KAT7: variants seen among roughly 807,000 people sequenced by gnomAD.
The protein encoded by KAT7 is histone acetyltransferase KAT7.
Under a neutral mutation model 82.1 loss-of-function variants are expected in KAT7, and 10 were observed. That is an observed-to-expected ratio of 0.12 (90% CI 0.08 to 0.21). KAT7 has a LOEUF of 0.21. Ranked by LOEUF, KAT7 falls within the 10% of genes least tolerant of loss-of-function variation. KAT7 has a pLI of 1.00. For synonymous variants in KAT7, 250 were observed against 262.5 expected, an observed-to-expected ratio of 0.95 and a Z score of 0.46; for missense variants, 378 against 760.9, an observed-to-expected ratio of 0.50 and a Z score of 5.92.
chr17:49,811,074 C>T (rs1196638663), intron 6 of KAT7, among the ~76,000 whole-genome samples: 3 of 150,406 alleles, frequency 2.0e-5, no homozygotes, highest in African/African-American at 4.9e-5. Context: ...GCATTTTTTT[C>T]TCTTTAAAAT....
chr17:49,803,660 G>A (rs1042860386), intron 4 of KAT7, among the ~76,000 whole-genome samples: 26 of 151,724 alleles, frequency 1.7e-4, no homozygotes, highest in African/African-American at 6.1e-4. Flanking sequence ...TCCTGACCTC[G>A]TGATCCGCCT....
chr17:49,818,432 G>A (rs1325318028), intron 9 of KAT7, among the ~76,000 whole-genome samples: 3 of 152,192 alleles, frequency 2.0e-5, no homozygotes, highest in African/African-American at 7.2e-5. Context: ...TGATGCCCAA[G>A]AAGTATATGT....
chr17:49,809,615 C>G (rs985329378), intron 6 of KAT7, among the ~76,000 whole-genome samples: 2 of 152,162 alleles, frequency 1.3e-5, no homozygotes, highest in African/African-American at 4.8e-5. Flanking sequence ...TATTTGTCTT[C>G]TACTTATCTC....
rs547133058 is a variant in KAT7 at position 49,833,527 on chromosome 17, T to C, written c.*6025T>C. Reference sequence around the variant, plus strand: ...TTGTGACTTGTTTTGACTAATAGGATATGGAAGTGATATTTTGGCAGCTTC... The same window carrying C: ...TTGTGACTTGTTTTGACTAATAGGACATGGAAGTGATATTTTGGCAGCTTC... On this transcript the variant is annotated 3_prime_UTR_variant, in exon 15 of 15. Coordinates refer to ENST00000259021, the MANE Select transcript of KAT7 (RefSeq NM_007067.5). 6.6e-6 allele frequency: 1 copy of C among 152,352 alleles called. No individual in the cohort carries two copies. Among genetic ancestry groups the C allele is most frequent in the Admixed American group, 6.5e-5 (1 of 15,302 alleles). 9.4% of individuals were successfully genotyped at this position (152,352 alleles called of 1,614,324 possible).
intron 1 of KAT7, 49 bp from the exon 2 acceptor site, chr17:49,791,837 T>C: frequency 6.3e-7 from 1 of 1,584,322 alleles, no homozygotes; most frequent in South Asian, 1.1e-5. Flanking sequence ...TAATGCAAAC[T>C]CTCAGACCAA....
In KAT7 at chr17:49,827,658, A is replaced by G. The variant is rs539534598; in HGVS notation, c.*156A>G. The G allele has an allele frequency of 4.9e-6, 3 of 615,834 alleles. No individual in the cohort carries two copies. Among genetic ancestry groups the G allele is most frequent in the Non-Finnish European group, 8.7e-6 (3 of 343,888 alleles). 38.1% of individuals were successfully genotyped at this position (615,834 alleles called of 1,614,324 possible). On this transcript the variant is annotated 3_prime_UTR_variant, in exon 15 of 15. Transcript: ENST00000259021. ...ACTGTCCTGGCTCCGACCTTTGTGT[A>G]CACTGCAGACGCTGGTTCTGAGGAA...
At chr17:49,791,629 G>T (rs930222238) in intron 1 of KAT7, among the ~76,000 whole-genome samples, 1 of 152,356 alleles carries the variant, frequency 6.6e-6, no homozygotes, top group African/African-American at 2.4e-5. Context: ...TTGCACTCCA[G>T]CCTGGGCAAT....
chr17:49,829,554 A>G lies in KAT7; in HGVS notation c.*2052A>G, dbSNP rs2074405610. 1 of 152,212 alleles carries G rather than the reference A, an allele frequency of 6.6e-6. No homozygotes were observed. Among genetic ancestry groups the G allele is most frequent in the African/African-American group, 2.4e-5 (1 of 41,444 alleles). The allele number at this position is 152,212 out of a possible 1,614,324, so 9.4% of individuals were successfully genotyped here. A position where few individuals can be genotyped will look rare whatever the true frequency, so the allele number is the denominator to read the frequency against. On this transcript the variant is annotated 3_prime_UTR_variant, in exon 15 of 15. Coordinates refer to ENST00000259021, the MANE Select transcript of KAT7 (RefSeq NM_007067.5). ...AATTATTGACTCTCTCGCAGGTTGA[A>G]ATTATTCTTTTTGAAAATAGCTGCA... is the stretch of plus-strand genomic sequence containing the variant.
At chr17:49,797,760 G>A (rs948173454) in intron 3 of KAT7, among the ~76,000 whole-genome samples, 1 of 152,242 alleles carries the variant, frequency 6.6e-6, no homozygotes, top group Non-Finnish European at 1.5e-5. Flanking sequence ...ATAATTGGCT[G>A]GAGTTGAATA....
At chr17:49,823,462 A>G (rs2074330313) in intron 12 of KAT7, 167 bp downstream of exon 12, 1 of 578,424 alleles carries the variant, frequency 1.7e-6, no homozygotes, top group African/African-American at 1.9e-5. Flanking sequence ...CATTCTGCCT[A>G]ATACACATTG....
chr17:49,803,091 T>G (rs2074045110), intron 4 of KAT7, among the ~76,000 whole-genome samples: 4 of 151,774 alleles, frequency 2.6e-5, no homozygotes, highest in Admixed American at 2.6e-4. Flanking sequence ...TCAAGATAAT[T>G]TTGCGGACCT....
chr17:49,796,950 G>T, intron 3 of KAT7, 24 bp downstream of exon 3: 3 of 1,605,616 alleles, frequency 1.9e-6, no homozygotes, highest in Non-Finnish European at 2.6e-6. Flanking sequence ...GTATGACTTA[G>T]ACCTATTACA....
intron 4 of KAT7, among the ~76,000 whole-genome samples, chr17:49,800,054 C>T (rs924936168): frequency 2.0e-5 from 3 of 149,376 alleles, no homozygotes; most frequent in African/African-American, 7.4e-5. Context: ...CTCTGTCCCC[C>T]AGGCTGGAGT....
chr17:49,800,252 C>T (rs1286257184), intron 4 of KAT7, among the ~76,000 whole-genome samples: 1 of 152,054 alleles, frequency 6.6e-6, no homozygotes. Flanking sequence ...ACCTCGTGAT[C>T]CGCCCGCCTT....
intron 7 of KAT7, among the ~76,000 whole-genome samples, chr17:49,812,293 C>T (rs553602040): frequency 1.7e-4 from 24 of 139,264 alleles, no homozygotes; most frequent in Admixed American, 1.2e-3. Flanking sequence ...GGCACAATCT[C>T]GGCTCACTAC....
At chr17:49,807,949 A>G (rs767178457) in intron 5 of KAT7, among the ~76,000 whole-genome samples, 9 of 152,140 alleles carry the variant, frequency 5.9e-5, no homozygotes, top group Non-Finnish European at 1.2e-4. Context: ...GAGAAATGCC[A>G]GTCGTTCTGT....
intron 1 of KAT7, 69 bp downstream of exon 1, chr17:49,788,918 C>G (rs1484229357): frequency 1.4e-6 from 2 of 1,418,210 alleles, no homozygotes; most frequent in Admixed American, 4.5e-5. Flanking sequence ...ACGCAGTTGG[C>G]CACGCCTCAC....
chr17:49,815,930 C>G lies in KAT7; in HGVS notation c.963+17C>G. The G allele has an allele frequency of 6.6e-7, 1 of 1,508,646 alleles. No homozygotes were observed. The highest frequency in any genetic ancestry group is 9.2e-7 in the Non-Finnish European group (1 of 1,085,068). The allele number at this position is 1,508,646 out of a possible 1,614,324, so 93.5% of individuals were successfully genotyped here. ...GAGGATTTGGTGAGTATTAAAACCTCCAAACTGAAGGCCGCTTGTGAAAGG... is the reference window on the plus strand; with the variant it reads ...GAGGATTTGGTGAGTATTAAAACCTGCAAACTGAAGGCCGCTTGTGAAAGG... On this transcript the variant is annotated intron_variant, in intron 8 of 14. Transcript: ENST00000259021.
rs555192453 is a variant in KAT7, at chr17:49,805,306, A to G, written c.581-57A>G. 189 of 1,212,480 alleles carry G rather than the reference A, an allele frequency of 1.6e-4. 2 individuals are homozygous for G. Among genetic ancestry groups the G allele is most frequent in the Middle Eastern group, 1.1e-3 (6 of 5,296 alleles). 75.1% of individuals were successfully genotyped at this position (1,212,480 alleles called of 1,614,324 possible). A position where few individuals can be genotyped will look rare whatever the true frequency, so the allele number is the denominator to read the frequency against. The stretch of plus-strand genomic sequence containing the variant: ...AAAAACAGGTTTGTCTTAGAGAAAC[A>G]TACTACTTTCTAAGCTTGTCTTCTT... On this transcript the variant is annotated intron_variant, in intron 4 of 14. Coordinates refer to ENST00000259021, the MANE Select transcript of KAT7 (RefSeq NM_007067.5).
Sources: gnomAD v4.1 joint callset for allele counts (sites outside exome capture counted in the v4.1 genomes callset) on GRCh38, gnomAD v4.1.1 for gene constraint, MANE v1.5 for transcripts, NCBI Gene and HGNC (gene_info 2026-07-23, HGNC 2026-07-21) for gene names.